Variants in CAAP1 observed in about 807,000 individuals in gnomAD.
The protein encoded by CAAP1 is conserved anti-apoptotic protein.
Under a neutral mutation model 34.0 loss-of-function variants are expected in CAAP1, and 20 were observed. That is an observed-to-expected ratio of 0.59 (90% CI 0.41 to 0.86). The LOEUF (loss-of-function observed/expected upper bound fraction) is 0.86, where lower values mean the gene tolerates loss of function less well. CAAP1 is among the 40% of genes least tolerant of loss of function. The pLI is 0.00. For synonymous variants in CAAP1, 213 were observed against 166.7 expected (o/e 1.28, Z -2.14); for missense variants, 538 against 450.5 (o/e 1.19, Z -1.76).
At position 26,842,262 on chromosome 9, in the gene CAAP1, TG is replaced by T. The variant is rs1563875164; in HGVS notation, c.*38del. The T allele has an allele frequency of 6.9e-7, 1 of 1,451,548 alleles. No homozygotes were observed. Among genetic ancestry groups the T allele is most frequent in the Admixed American group, 2.3e-5 (1 of 42,896 alleles). 89.9% of individuals were successfully genotyped at this position (1,451,548 alleles called of 1,614,324 possible). On this transcript the variant is annotated 3_prime_UTR_variant, in exon 6 of 6. Transcript: ENST00000333916. ...GATACAAAATTAAATGATGTGGCTT[TG>T]TTCAAACATACCTAAAATTCAAAAT...
chr9:26,885,365 G>A (rs557605484), intron 3 of CAAP1, among the ~76,000 whole-genome samples: 13 of 152,050 alleles, frequency 8.5e-5, no homozygotes, highest in Admixed American at 7.2e-4. Context: ...GTGAGCCATC[G>A]CGCCCGGCCT....
intron 5 of CAAP1, among the ~76,000 whole-genome samples, chr9:26,847,237 C>T (rs1280679967): frequency 1.4e-4 from 4 of 28,756 alleles, no homozygotes; most frequent in South Asian, 8.8e-4. Flanking sequence ...TTTTTTGACA[C>T]GGAGTCTTGC....
At chr9:26,874,512 T>C (rs1442045760) in intron 4 of CAAP1, among the ~76,000 whole-genome samples, 1 of 152,154 alleles carries the variant, frequency 6.6e-6, no homozygotes, top group Non-Finnish European at 1.5e-5. Context: ...TGAACTAACT[T>C]TCTTTACCCA....
At chr9:26,853,176 A>G (rs1158512258) in intron 5 of CAAP1, among the ~76,000 whole-genome samples, 1 of 152,196 alleles carries the variant, frequency 6.6e-6, no homozygotes, top group Non-Finnish European at 1.5e-5. Context: ...GGGAGCATGG[A>G]TAGAAACAGT....
chr9:26,856,642 A>C (rs1418204874), intron 5 of CAAP1, among the ~76,000 whole-genome samples: 1 of 152,230 alleles, frequency 6.6e-6, no homozygotes, highest in Non-Finnish European at 1.5e-5. Context: ...CTTCAGCATC[A>C]GAAACATGTC....
At chr9:26,884,713 A>C in intron 4 of CAAP1, 97 bp downstream of exon 4, 1 of 902,022 alleles carries the variant, frequency 1.1e-6, no homozygotes, top group Non-Finnish European at 1.8e-6. Flanking sequence ...TGATTTTATA[A>C]ATAAAACACA....
intron 5 of CAAP1, among the ~76,000 whole-genome samples, chr9:26,859,655 TA>T (rs1822959719): frequency 2.0e-5 from 3 of 152,308 alleles, no homozygotes; most frequent in Middle Eastern, 3.4e-3. Flanking sequence ...TTATATTATA[TA>T]AAAATAATAT....
chr9:26,860,058 A>G (rs1459032944), intron 5 of CAAP1, among the ~76,000 whole-genome samples: 1 of 152,186 alleles, frequency 6.6e-6, no homozygotes, highest in African/African-American at 2.4e-5. Context: ...TATTTAAGAG[A>G]AACTATTCTA....
intron 4 of CAAP1, among the ~76,000 whole-genome samples, chr9:26,884,194 T>C (rs537913072): frequency 6.6e-6 from 1 of 152,328 alleles, no homozygotes; most frequent in Admixed American, 6.5e-5. Flanking sequence ...TTTAAGCAAA[T>C]AGCATCAATA....
intron 5 of CAAP1, among the ~76,000 whole-genome samples, chr9:26,860,127 A>G (rs1289901201): frequency 6.6e-6 from 1 of 152,160 alleles, no homozygotes; most frequent in African/African-American, 2.4e-5. Flanking sequence ...GATGCAACAA[A>G]TTTTTACTGT....
At chr9:26,878,525 C>T (rs1823502646) in intron 4 of CAAP1, among the ~76,000 whole-genome samples, 1 of 152,176 alleles carries the variant, frequency 6.6e-6, no homozygotes, top group African/African-American at 2.4e-5. Context: ...ACAGCTGGCC[C>T]ATTCAATTCT....
intron 5 of CAAP1, among the ~76,000 whole-genome samples, chr9:26,847,228 T>TTTTC (rs1822636144): frequency 2.0e-5 from 2 of 101,274 alleles, no homozygotes; most frequent in African/African-American, 8.0e-5. Context: ...TTTTTTTTTT[T>TTTTC]TTTTGACACG....
intron 5 of CAAP1, among the ~76,000 whole-genome samples, chr9:26,846,694 CTT>C (rs888026035): frequency 6.7e-6 from 1 of 148,266 alleles, no homozygotes; most frequent in Admixed American, 6.7e-5. Flanking sequence ...AATTTTTCTT[CTT>C]TTTTTTTTGA....
chr9:26,846,537 T>A (rs780018960), intron 5 of CAAP1, among the ~76,000 whole-genome samples: 35 of 152,236 alleles, frequency 2.3e-4, no homozygotes, highest in Non-Finnish European at 4.6e-4. Flanking sequence ...TGTCTACTTA[T>A]ATTTTGTGAA....
At chr9:26,881,352 C>T (rs1281737619) in intron 4 of CAAP1, among the ~76,000 whole-genome samples, 1 of 152,190 alleles carries the variant, frequency 6.6e-6, no homozygotes, top group African/African-American at 2.4e-5. Flanking sequence ...GTGTCCCCAC[C>T]CAAGTTTCAA....
chr9:26,880,199 A>G, intron 4 of CAAP1: 2 of 330,094 alleles, frequency 6.1e-6, no homozygotes, highest in South Asian at 2.4e-5. Context: ...TAATTGTTAT[A>G]CATTTGGCAT....
chr9:26,891,258 A>C (rs1823897455), intron 1 of CAAP1, among the ~76,000 whole-genome samples: 1 of 152,200 alleles, frequency 6.6e-6, no homozygotes, highest in South Asian at 2.1e-4. Flanking sequence ...AAAATATTAA[A>C]ATGTTCAATC....
At chr9:26,848,664 T>C (rs968169639) in intron 5 of CAAP1, among the ~76,000 whole-genome samples, 1 of 152,224 alleles carries the variant, frequency 6.6e-6, no homozygotes, top group African/African-American at 2.4e-5. Flanking sequence ...AGGTTTGTTA[T>C]AGATGATAAT....
chr9:26,847,672 T>C (rs1041232266), intron 5 of CAAP1, among the ~76,000 whole-genome samples: 1 of 152,198 alleles, frequency 6.6e-6, no homozygotes, highest in African/African-American at 2.4e-5. Context: ...ACCTACATTC[T>C]ATATATTCTT....
Sources: gnomAD v4.1 joint callset for allele counts (sites outside exome capture counted in the v4.1 genomes callset) on GRCh38, gnomAD v4.1.1 for gene constraint, MANE v1.5 for transcripts, NCBI Gene and HGNC (gene_info 2026-07-23, HGNC 2026-07-21) for gene names.